UNC80: variants seen among roughly 807,000 people sequenced by gnomAD.
UNC80 encodes protein unc-80 homolog.
UNC80 carries 164 observed loss-of-function variants against 384.6 expected under a neutral mutation model. The observed-to-expected ratio is 0.43, with a 90% CI of 0.38 to 0.49. The LOEUF is 0.49. Ranked by LOEUF, UNC80 falls within the 20% of genes least tolerant of loss-of-function variation. The pLI, the probability that UNC80 is intolerant of heterozygous loss-of-function variation, is 0.00. For synonymous variants in UNC80, 1,486 were observed against 1,527.8 expected, an observed-to-expected ratio of 0.97 and a Z score of 0.64; for missense variants, 3,330 against 4,143.0, an observed-to-expected ratio of 0.80 and a Z score of 5.39.
At chr2:209,853,002 G>T (rs1408845122) in intron 22 of UNC80, among the ~76,000 whole-genome samples, 1 of 151,992 alleles carries the variant, frequency 6.6e-6, no homozygotes, top group Admixed American at 6.6e-5. Flanking sequence ...TACACATGTG[G>T]ATCTAGATAT....
At position 209,874,886 on chromosome 2, in the gene UNC80, A is replaced by G. The variant is rs563227958; in HGVS notation, c.3840+1916A>G. Among the ~76,000 whole-genome samples the G allele has an allele frequency of 4.0e-5, 6 of 151,866 alleles. No individual in the cohort carries two copies. The South Asian group carries it at 6.3e-4, about 16-fold the overall frequency. ...TCAAGTAAACACATTGCCACCTACA[A>G]CCCTTCTGAGCTTTCTATTCTTATT... is the stretch of plus-strand genomic sequence containing the variant. On this transcript the variant is annotated intron_variant, in intron 23 of 64. Transcript: ENST00000673920.
At chr2:209,980,133 G>C (rs1417415174) in intron 59 of UNC80, among the ~76,000 whole-genome samples, 1 of 152,002 alleles carries the variant, frequency 6.6e-6, no homozygotes, top group African/African-American at 2.4e-5. Flanking sequence ...TTGTAATTAG[G>C]GAAATCTTGA....
chr2:209,849,768 G>A, intron 22 of UNC80, 145 bp downstream of exon 22: 1 of 870,546 alleles, frequency 1.1e-6, no homozygotes, highest in Non-Finnish European at 1.7e-6. Flanking sequence ...GAAGAAAGAT[G>A]GTGAAAAAGG....
intron 4 of UNC80, among the ~76,000 whole-genome samples, chr2:209,782,375 G>C (rs146145687): frequency 6.6e-6 from 1 of 151,908 alleles, no homozygotes; most frequent in African/African-American, 2.4e-5. Context: ...CTTGCTGACC[G>C]GAATGCCCTC....
intron 7 of UNC80, among the ~76,000 whole-genome samples, chr2:209,802,278 T>G (rs949019915): frequency 1.3e-5 from 2 of 152,134 alleles, no homozygotes; most frequent in African/African-American, 4.8e-5. Flanking sequence ...ATTGTTTATT[T>G]CAAAATTATT....
chr2:209,853,525 T>C (rs1345768849), intron 22 of UNC80, among the ~76,000 whole-genome samples: 1 of 152,064 alleles, frequency 6.6e-6, no homozygotes, highest in African/African-American at 2.4e-5. Context: ...TTCCTCACAA[T>C]CTTTCTCTTT....
At chr2:209,990,183 A>G (rs1213252649) in intron 61 of UNC80, among the ~76,000 whole-genome samples, 1 of 152,214 alleles carries the variant, frequency 6.6e-6, no homozygotes, top group East Asian at 1.9e-4. Context: ...ACACTCCCTG[A>G]GTAACATGCA....
intron 5 of UNC80, among the ~76,000 whole-genome samples, chr2:209,788,182 C>T (rs566238186): frequency 1.5e-4 from 23 of 152,158 alleles, no homozygotes; most frequent in African/African-American, 4.3e-4. Context: ...TTTGGGAGGC[C>T]GAGGTGGGCG....
At chr2:209,965,415 A>G (rs1348854698) in intron 51 of UNC80, among the ~76,000 whole-genome samples, 2 of 152,056 alleles carry the variant, frequency 1.3e-5, no homozygotes, top group Non-Finnish European at 2.9e-5. Context: ...ATTTTCCAAA[A>G]TAAAAGTTAA....
chr2:209,805,287 T>A (rs1402588629), intron 7 of UNC80, among the ~76,000 whole-genome samples: 1 of 152,226 alleles, frequency 6.6e-6, no homozygotes, highest in Non-Finnish European at 1.5e-5. Context: ...CAGTTCCCAA[T>A]AGTACACTCC....
rs2153828637 is a variant in UNC80 at position 209,831,528 on chromosome 2, G to C, written c.2712G>C (p.Met904Ile). 6.4e-7 allele frequency: 1 copy of C among 1,551,236 alleles called. No individual in the cohort carries two copies. Among genetic ancestry groups the C allele is most frequent in the Non-Finnish European group, 8.7e-7 (1 of 1,146,768 alleles). The change falls in exon 16 of 65, where the codon ATG becomes ATC. Residue 904 changes from methionine to isoleucine, a missense_variant. Transcript: ENST00000673920. ...TGGAAGGCATTATCGTCAGCGCCAT[G>C]TTTAAATCCCTCATCACACGCTGCG... ...QNVEGIIVSA[M>I]FKSLITRCAS...
rs773501072 is a variant in UNC80 at position 209,793,786 on chromosome 2, T to C, written c.865T>C (p.Cys289Arg). The change falls in exon 7 of 65, where the codon TGT becomes CGT. Residue 289 changes from cysteine (C) to arginine (R), a missense_variant. Around this residue, in one of 8 missense-constraint regions of UNC80, gnomAD observed 937 missense variants for 1,026.8 expected, o/e 0.91. Transcript: ENST00000673920. ...SISPKATISG[C>R]HRGNSFDGSL... ...CTCACCCAAGGCCACCATTTCAGGC[T>C]GTCACCGAGGAAACTCCTTTGATGG... The C allele has an allele frequency of 9.3e-6, 15 of 1,614,186 alleles. No homozygotes were observed. In the Admixed American group the frequency reaches 2.5e-4, roughly 27 times the overall value.
intron 36 of UNC80, among the ~76,000 whole-genome samples, chr2:209,929,328 G>C (rs1290011381): frequency 1.3e-5 from 2 of 151,966 alleles, no homozygotes; most frequent in African/African-American, 4.8e-5. Flanking sequence ...TTTCTCATTA[G>C]GATTAATTAT....
intron 49 of UNC80, 41 bp downstream of exon 49, chr2:209,957,777 C>A: frequency 6.5e-7 from 1 of 1,530,570 alleles, no homozygotes; most frequent in Non-Finnish European, 8.9e-7. Flanking sequence ...CTCTCAATTT[C>A]ATACAACCCG....
chr2:209,837,743 A>G (rs1306019539), intron 18 of UNC80, among the ~76,000 whole-genome samples: 1 of 151,280 alleles, frequency 6.6e-6, no homozygotes, highest in African/African-American at 2.4e-5. Flanking sequence ...ATAAAAACTC[A>G]GTGAGTTTTT....
chr2:209,841,285 T>C (rs2153829339), intron 20 of UNC80, among the ~76,000 whole-genome samples: 1 of 152,356 alleles, frequency 6.6e-6, no homozygotes, highest in African/African-American at 2.4e-5. Context: ...TTTTGTTTTC[T>C]AATCTCACTA....
intron 51 of UNC80, among the ~76,000 whole-genome samples, chr2:209,966,119 T>G (rs1011099213): frequency 6.6e-6 from 1 of 152,110 alleles, no homozygotes; most frequent in Non-Finnish European, 1.5e-5. Flanking sequence ...ACATTCCAGT[T>G]CCATAGGATC....
chr2:209,890,280 A>T lies in UNC80; in HGVS notation c.4276+2020A>T, dbSNP rs1353009561. The stretch of plus-strand genomic sequence containing the variant: ...ATTTCTTAAATGGATTCATAAAAAA[A>T]GTAAAGTTTTTTGTGCTAATTACTT... On this transcript the variant is annotated intron_variant, in intron 26 of 64. Coordinates refer to ENST00000673920, the MANE Select transcript of UNC80 (RefSeq NM_001371986.1). Among the ~76,000 whole-genome samples, 2 of 152,216 alleles carry T rather than the reference A, an allele frequency of 1.3e-5. 1 individual carries two copies. The highest frequency in any genetic ancestry group is 2.9e-5 in the Non-Finnish European group (2 of 68,044).
At chr2:209,875,978 G>T (rs2084749485) in intron 23 of UNC80, among the ~76,000 whole-genome samples, 1 of 152,098 alleles carries the variant, frequency 6.6e-6, no homozygotes, top group East Asian at 1.9e-4. Flanking sequence ...CATCATCCGA[G>T]TAGGGCACGT....
Sources: allele counts gnomAD v4.1 joint callset (sites outside exome capture counted in the v4.1 genomes callset), GRCh38; gene constraint gnomAD v4.1.1; regional missense constraint gnomAD v4.1.1; transcripts MANE v1.5; gene names NCBI Gene and HGNC (gene_info 2026-07-23, HGNC 2026-07-21).